CBFA2T3: variants seen among roughly 807,000 people sequenced by gnomAD.
The protein encoded by CBFA2T3 is CBFA2/RUNX1 partner transcriptional co-repressor 3.
A neutral mutation model predicts 58.6 loss-of-function variants in CBFA2T3; 31 were observed. The observed-to-expected ratio is 0.53, with a 90% confidence interval of 0.40 to 0.71. CBFA2T3 has a LOEUF of 0.71. CBFA2T3 is among the 30% of genes least tolerant of loss of function. The probability of loss-of-function intolerance (pLI) is 0.00; values close to 1 mark genes in which losing one functional copy is unlikely to be tolerated. For missense variants in CBFA2T3, 1,076 were observed against 963.1 expected (o/e 1.12, Z -1.55); for synonymous variants, 531 against 421.9 (o/e 1.26, Z -3.17).
chr16:88,940,756 G>A (rs1436416985), intron 1 of CBFA2T3, among the ~76,000 whole-genome samples: 1 of 152,188 alleles, frequency 6.6e-6, no homozygotes, highest in Non-Finnish European at 1.5e-5. Flanking sequence ...CGGCCCCAGG[G>A]GAGCCCGCGA....
chr16:88,900,040 C>G (rs1307490242), intron 2 of CBFA2T3, among the ~76,000 whole-genome samples: 2 of 152,254 alleles, frequency 1.3e-5, no homozygotes, highest in Non-Finnish European at 2.9e-5. Flanking sequence ...AAAGCCCAGC[C>G]AGCCTCTCAC....
chr16:88,892,411 G>C lies in CBFA2T3; in HGVS notation c.454C>G (p.Pro152Ala). Residue 152 changes from proline to alanine, a missense_variant, in exon 4 of 12, where the codon CCG (proline) becomes GCG (alanine). By Grantham distance (27) the Pro-to-Ala change is conservative (BLOSUM62 -1). Transcript: ENST00000268679. Reference sequence around the variant, plus strand: ...AAGGAGGCTGTGGACGAGGTGGCCGGGCCATTGCTGAAGCCGTTGGGTGTG... The same window carrying C: ...AAGGAGGCTGTGGACGAGGTGGCCGCGCCATTGCTGAAGCCGTTGGGTGTG... ...PCTPNGFSNG[P>A]ATSSTASLST... 1 of 1,613,596 alleles carries C rather than the reference G, an allele frequency of 6.2e-7. No homozygotes were observed. Among genetic ancestry groups the C allele is most frequent in the Non-Finnish European group, 8.5e-7 (1 of 1,180,032 alleles).
At chr16:88,975,164 A>ACCTGCAGCCATATCAAAGGGCCACCCTGG (rs1972798735) in intron 1 of CBFA2T3, among the ~76,000 whole-genome samples, 5 of 108,070 alleles carry the variant, frequency 4.6e-5, no homozygotes, top group Non-Finnish European at 1.0e-4. Context: ...GTCCACCCTG[A>ACCTGCAGCCATATCAAAGGGCCACCCTGG]CCCTCTCTGC....
At chr16:88,939,811 G>A (rs1038125106) in intron 1 of CBFA2T3, 1 of 152,286 alleles carries the variant, frequency 6.6e-6, no homozygotes, top group Admixed American at 6.5e-5. Flanking sequence ...GGGCAGGTGA[G>A]GGTCGGACGC....
chr16:88,894,612 C>T (rs906653893), intron 3 of CBFA2T3, among the ~76,000 whole-genome samples: 2 of 151,466 alleles, frequency 1.3e-5, no homozygotes, highest in African/African-American at 4.9e-5. Context: ...AATGTACACA[C>T]ATGCACACAC....
chr16:88,940,111 A>C (rs560841776), intron 1 of CBFA2T3: 1 of 153,868 alleles, frequency 6.5e-6, no homozygotes, highest in South Asian at 2.0e-4. Context: ...GGAGCACGCG[A>C]CGTGCTCTCT....
intron 1 of CBFA2T3, among the ~76,000 whole-genome samples, chr16:88,914,835 G>A (rs151289149): frequency 2.0e-3 from 304 of 152,348 alleles, no homozygotes; most frequent in African/African-American, 6.7e-3. Context: ...GGACCCAGAT[G>A]TCTGGGGCCT....
intron 1 of CBFA2T3, among the ~76,000 whole-genome samples, chr16:88,973,398 C>T (rs778324766): frequency 1.1e-4 from 16 of 152,192 alleles, no homozygotes; most frequent in Admixed American, 2.6e-4. Flanking sequence ...TGGAGGAGCA[C>T]GGCCATCTGA....
chr16:88,905,734 G>T (rs1413165834), intron 1 of CBFA2T3, among the ~76,000 whole-genome samples: 1 of 132,998 alleles, frequency 7.5e-6, no homozygotes, highest in African/African-American at 3.1e-5. Context: ...TGAAGGAGGG[G>T]CGGGACTGGA....
intron 1 of CBFA2T3, among the ~76,000 whole-genome samples, chr16:88,929,170 G>A (rs1451996227): frequency 6.6e-6 from 1 of 152,200 alleles, no homozygotes; most frequent in East Asian, 1.9e-4. Flanking sequence ...AGGTGCTGGA[G>A]AGATCCCATA....
At chr16:88,922,032 C>T (rs374235663) in intron 1 of CBFA2T3, among the ~76,000 whole-genome samples, 14 of 152,352 alleles carry the variant, frequency 9.2e-5, no homozygotes, top group East Asian at 3.9e-4. Context: ...CAGGGTGAGC[C>T]GTGAGCCCAG....
chr16:88,940,728 T>A (rs1439840187), intron 1 of CBFA2T3, among the ~76,000 whole-genome samples: 1 of 151,858 alleles, frequency 6.6e-6, no homozygotes, highest in East Asian at 2.0e-4. Context: ...CCGCGGGGCC[T>A]TTGTTAGGAA....
intron 1 of CBFA2T3, among the ~76,000 whole-genome samples, chr16:88,927,302 G>C (rs866467425): frequency 6.6e-6 from 1 of 152,206 alleles, no homozygotes; most frequent in South Asian, 2.1e-4. Flanking sequence ...GACTTCCCCA[G>C]GCAGCACTGA....
chr16:88,902,839 TGCTG>T, intron 1 of CBFA2T3, among the ~76,000 whole-genome samples: 1 of 152,108 alleles, frequency 6.6e-6, no homozygotes, highest in African/African-American at 2.4e-5. Context: ...ACCCTGCTCC[TGCTG>T]ACACCTGTGG....
At chr16:88,964,197 C>A (rs573281315) in intron 1 of CBFA2T3, among the ~76,000 whole-genome samples, 65 of 152,354 alleles carry the variant, frequency 4.3e-4, no homozygotes, top group African/African-American at 1.5e-3. Context: ...CTCCTGCCTG[C>A]TCTTCCCCCA....
intron 1 of CBFA2T3, among the ~76,000 whole-genome samples, chr16:88,946,018 A>T (rs1474111922): frequency 6.6e-6 from 1 of 152,242 alleles, no homozygotes; most frequent in Non-Finnish European, 1.5e-5. Context: ...TGGAAAGTGA[A>T]CATTGATGGC....
chr16:88,944,437 T>C (rs934192894), intron 1 of CBFA2T3, among the ~76,000 whole-genome samples: 2 of 149,316 alleles, frequency 1.3e-5, no homozygotes, highest in Non-Finnish European at 3.0e-5. Context: ...GGTGCCCCGA[T>C]CACACACCCA....
At position 88,885,113 on chromosome 16, in the gene CBFA2T3, G is replaced by T. The variant is rs1597665263; in HGVS notation, c.1050C>A (p.Ala350=). 1 of 1,602,718 alleles carries T rather than the reference G, an allele frequency of 6.2e-7. No homozygotes were observed. ...PHYRLEDIAM[A]HHFRDAYRHP... ...GGCGGTAGGCATCTCGGAAGTGGTG[G>T]GCCATGGCTATGTCCTCCAGGCGGT... The change falls in exon 7 of 12, where the codon GCC becomes GCA. Residue 350 remains alanine, a synonymous_variant. Coordinates refer to ENST00000268679, the MANE Select transcript of CBFA2T3 (RefSeq NM_005187.6). This position sits in a 1 kb window ranked among gnomAD's most constrained non-coding sequence, Gnocchi z 5.3.
chr16:88,973,525 C>G (rs111979281), intron 1 of CBFA2T3, among the ~76,000 whole-genome samples: 1 of 152,158 alleles, frequency 6.6e-6, no homozygotes, highest in Admixed American at 6.5e-5. Flanking sequence ...TAGAAACACC[C>G]GGGGAGGGCA....
Sources: gnomAD v4.1 joint callset for allele counts (sites outside exome capture counted in the v4.1 genomes callset) on GRCh38, gnomAD v4.1.1 for gene constraint, Gnocchi (gnomAD v3.1) non-coding constraint, MANE v1.5 for transcripts, NCBI Gene and HGNC (gene_info 2026-07-23, HGNC 2026-07-21) for gene names.